Variants in UNC5A observed in about 807,000 individuals in gnomAD.
UNC5A encodes the protein netrin receptor UNC5A.
Under a neutral mutation model 87.4 loss-of-function variants are expected in UNC5A, and 20 were observed. The observed-to-expected ratio is 0.23, with a 90% CI of 0.16 to 0.33. The LOEUF is 0.33. UNC5A is among the 10% of genes least tolerant of loss of function. UNC5A has a pLI of 1.00. For missense variants in UNC5A, 844 were observed against 1,133.4 expected, an observed-to-expected ratio of 0.74 and a Z score of 3.67; for synonymous variants, 438 against 482.3, an observed-to-expected ratio of 0.91 and a Z score of 1.20.
At chr5:176,812,870 A>G (rs1258522280) in intron 1 of UNC5A, among the ~76,000 whole-genome samples, 1 of 152,138 alleles carries the variant, frequency 6.6e-6, no homozygotes, top group Non-Finnish European at 1.5e-5. Context: ...CACTGGGCAC[A>G]TGTGGACGCC....
In UNC5A at chr5:176,834,752, C is replaced by T. The variant is rs556573075; in HGVS notation, c.70+23932C>T. Among the ~76,000 whole-genome samples, 4 of 151,944 alleles carry T rather than the reference C, an allele frequency of 2.6e-5. No homozygotes were observed. In the South Asian group the frequency reaches 6.3e-4, roughly 24 times the overall value. On this transcript the variant is annotated intron_variant, in intron 1 of 14. Coordinates refer to ENST00000329542, the MANE Select transcript of UNC5A (RefSeq NM_133369.3). ...CCTCTCCCTCTCCCTCTCCCTCTCT[C>T]TCTCCCTTTCCCTGGGTCGCTGCAG...
Position 176,878,013 on chromosome 5 carries a change from C to T in UNC5A, c.1755C>T (p.Leu585=). ...LGRFALVGEA[L]SVAAAKRLKL... is the part of the protein sequence containing the mutation. ...GCTTTGCCCTGGTGGGAGAGGCCCT[C>T]AGCGTGGCTGCCGCCAAGCGCCTCA... The change falls in exon 11 of 15, where the codon CTC becomes CTT. Residue 585 remains leucine, a synonymous_variant. Coordinates refer to ENST00000329542, the MANE Select transcript of UNC5A (RefSeq NM_133369.3). 6.2e-7 allele frequency: 1 copy of T among 1,607,570 alleles called. No homozygotes were observed. The highest frequency in any genetic ancestry group is 8.5e-7 in the Non-Finnish European group (1 of 1,179,954).
rs754080042 is a variant in UNC5A, at chr5:176,868,190, G to A, written c.353G>A (p.Gly118Glu). 1 of 1,613,672 alleles carries A rather than the reference G, an allele frequency of 6.2e-7. No individual in the cohort carries two copies. The highest frequency in any genetic ancestry group is 2.2e-5 in the East Asian group (1 of 44,852). Reference protein sequence around the residue: ...VSRQQVEKVFGLEEYWCQCVA... With the variant: ...VSRQQVEKVFELEEYWCQCVA... ...AGGCAGCAGGTCGAGAAGGTGTTCG[G>A]GCTGGAGGAATACTGGTGCCAGTGC... Residue 118 changes from glycine to glutamate, a missense_variant, in exon 3 of 15, where the codon GGG becomes GAG. Around this residue, in one of 3 missense-constraint regions of UNC5A, gnomAD observed 314 missense variants for 466.5 expected, o/e 0.67. Coordinates refer to ENST00000329542, the MANE Select transcript of UNC5A (RefSeq NM_133369.3).
rs2113611869 is a variant in UNC5A at position 176,834,512 on chromosome 5, A to C, written c.70+23692A>C. On this transcript the variant is annotated intron_variant, in intron 1 of 14. Coordinates refer to ENST00000329542, the MANE Select transcript of UNC5A (RefSeq NM_133369.3). The stretch of plus-strand genomic sequence containing the variant: ...GGAAGAAAAATGCCAGGAAAGGACG[A>C]AAAAGAGAATAAGAGGGATCTGGTT... Among the ~76,000 whole-genome samples, 4 of 152,350 alleles carry C rather than the reference A, an allele frequency of 2.6e-5. No homozygotes were observed. In the South Asian group the frequency reaches 8.3e-4, roughly 32 times the overall value.
chr5:176,813,711 G>T (rs910290995), intron 1 of UNC5A, among the ~76,000 whole-genome samples: 2 of 152,194 alleles, frequency 1.3e-5, no homozygotes, highest in Non-Finnish European at 2.9e-5. Context: ...TCAGCCAAGG[G>T]CCAGAGAGCC....
At chr5:176,839,210 A>G (rs1024858366) in intron 1 of UNC5A, among the ~76,000 whole-genome samples, 1 of 152,150 alleles carries the variant, frequency 6.6e-6, no homozygotes, top group East Asian at 1.9e-4. Flanking sequence ...CTGACCCCTC[A>G]CAGCACCTAG....
intron 14 of UNC5A, 66 bp from the exon 15 acceptor site, chr5:176,879,655 C>T (rs1028513688): frequency 6.3e-7 from 1 of 1,587,416 alleles, no homozygotes; most frequent in African/African-American, 1.3e-5. Context: ...TGGGGTGGGC[C>T]AGGGGGGGCA....
In UNC5A at chr5:176,855,472, C is replaced by T. The variant is rs768328965; in HGVS notation, c.71-7152C>T. Among the ~76,000 whole-genome samples the T allele has an allele frequency of 6.6e-4, 101 of 152,190 alleles. 1 individual carries two copies. Among genetic ancestry groups the T allele is most frequent in the Non-Finnish European group, 8.4e-4 (57 of 68,034 alleles). ...ACAGATAGGGTCAGCCCCTGGACCA[C>T]GTGGCCTGCATGGTGGGAGGAGTTG... On this transcript the variant is annotated intron_variant, in intron 1 of 14. Transcript: ENST00000329542.
chr5:176,812,449 G>A (rs1756483190), intron 1 of UNC5A, among the ~76,000 whole-genome samples: 1 of 152,230 alleles, frequency 6.6e-6, no homozygotes, highest in South Asian at 2.1e-4. Flanking sequence ...TTGGCATGGT[G>A]TGTGCAGCAT....
chr5:176,830,650 T>TTG (rs574164105), intron 1 of UNC5A, among the ~76,000 whole-genome samples: 1,177 of 56,236 alleles, frequency 0.021, 27 homozygotes, highest in African/African-American at 0.084. Flanking sequence ...GCGTGTGCAT[T>TTG]TGTGTGTGTG....
Position 176,857,500 on chromosome 5 carries a change from GCACA to G in UNC5A, c.71-5113_71-5110del, listed in dbSNP as rs144381794. ...TGGCCCCCAGCCTCCCTACACACAC[GCACA>G]CACACACACATGCATGCCACACACA... On this transcript the variant is annotated intron_variant, in intron 1 of 14. Transcript: ENST00000329542. Among the ~76,000 whole-genome samples the G allele has an allele frequency of 2.8e-3, 418 of 151,288 alleles. 1 individual carries two copies. Among genetic ancestry groups the G allele is most frequent in the Non-Finnish European group, 4.7e-3 (318 of 67,726 alleles).
chr5:176,847,213 G>A (rs1757430772), intron 1 of UNC5A, among the ~76,000 whole-genome samples: 1 of 152,228 alleles, frequency 6.6e-6, no homozygotes, highest in Non-Finnish European at 1.5e-5. Flanking sequence ...CTGATGAAAG[G>A]ATGCTTGGAT....
chr5:176,850,932 C>T (rs55892584), intron 1 of UNC5A, among the ~76,000 whole-genome samples: 5,608 of 151,760 alleles, frequency 0.037, 343 homozygotes, highest in African/African-American at 0.13. Flanking sequence ...CCAGGACTTC[C>T]CAGTGCTCCC....
Position 176,869,581 on chromosome 5 carries a change from C to A in UNC5A, c.721+617C>A. ...GCCAGTGTATCTGAGGACGCCCCCG[C>A]TCCCTGACCCCAGTCCTTCTCTGTC... On this transcript the variant is annotated intron_variant, in intron 5 of 14. Coordinates refer to ENST00000329542, the MANE Select transcript of UNC5A (RefSeq NM_133369.3). This position sits in a 1 kb window ranked among gnomAD's most constrained non-coding sequence, Gnocchi z 9.1. The A allele has an allele frequency of 1.5e-6, 1 of 687,598 alleles. No homozygotes were observed. Among genetic ancestry groups the A allele is most frequent in the South Asian group, 1.5e-5 (1 of 66,262 alleles). 42.6% of individuals were successfully genotyped at this position (687,598 alleles called of 1,614,324 possible).
Position 176,868,767 on chromosome 5 carries a change from A to C in UNC5A, c.541-17A>C, listed in dbSNP as rs1758035792. ...CCAGCATGGGCTGGCAGTACATGGCAGGGCTCCCTCCCCTAGGTGGAGTGG... is the reference window on the plus strand; with the variant it reads ...CCAGCATGGGCTGGCAGTACATGGCCGGGCTCCCTCCCCTAGGTGGAGTGG... On this transcript the variant is annotated splice_polypyrimidine_tract_variant and intron_variant, in intron 4 of 14. Coordinates refer to ENST00000329542, the MANE Select transcript of UNC5A (RefSeq NM_133369.3). 6.3e-7 allele frequency: 1 copy of C among 1,590,686 alleles called. No individual in the cohort carries two copies. Among genetic ancestry groups the C allele is most frequent in the South Asian group, 1.1e-5 (1 of 89,758 alleles).
chr5:176,854,561 C>T (rs1283510279), intron 1 of UNC5A, among the ~76,000 whole-genome samples: 2 of 152,180 alleles, frequency 1.3e-5, no homozygotes, highest in African/African-American at 4.8e-5. Context: ...TCCCCAGGGT[C>T]CAGCACTGGC....
Position 176,848,236 on chromosome 5 carries a change from C to A in UNC5A, c.71-14388C>A, listed in dbSNP as rs1757461000. Among the ~76,000 whole-genome samples, 1 of 152,076 alleles carries A rather than the reference C, an allele frequency of 6.6e-6. No homozygotes were observed. Among genetic ancestry groups the A allele is most frequent in the Admixed American group, 6.5e-5 (1 of 15,284 alleles). On this transcript the variant is annotated intron_variant, in intron 1 of 14. Transcript: ENST00000329542. This position sits in a 1 kb window ranked among gnomAD's most constrained non-coding sequence, Gnocchi z 5.8. ...AGCCTGGTGTGACATCCTTTAGGGACCCTTGGGGAGGGGGTACCCCAGCTT... is the reference window on the plus strand; with the variant it reads ...AGCCTGGTGTGACATCCTTTAGGGAACCTTGGGGAGGGGGTACCCCAGCTT...
At chr5:176,864,969 A>T (rs1757936025) in intron 2 of UNC5A, 1 of 381,744 alleles carries the variant, frequency 2.6e-6, no homozygotes, top group Non-Finnish European at 5.2e-6. Context: ...GAGGGTCTGC[A>T]GGAGAACCGC....
In UNC5A at chr5:176,879,710, C is replaced by T; in HGVS notation, c.2364-11C>T. 6.2e-7 allele frequency: 1 copy of T among 1,611,320 alleles called. No individual in the cohort carries two copies. The highest frequency in any genetic ancestry group is 8.5e-7 in the Non-Finnish European group (1 of 1,179,082). On this transcript the variant is annotated splice_polypyrimidine_tract_variant and intron_variant, in intron 14 of 14. Coordinates refer to ENST00000329542, the MANE Select transcript of UNC5A (RefSeq NM_133369.3). ...AGGCCAGGCTGCTGACGGCCCCCCT[C>T]CCCTCCACAGCCATCTCAGCTTCTT...
Sources: allele counts gnomAD v4.1 joint callset (sites outside exome capture counted in the v4.1 genomes callset), GRCh38; gene constraint gnomAD v4.1.1; regional missense constraint gnomAD v4.1.1; non-coding constraint Gnocchi (gnomAD v3.1); transcripts MANE v1.5; gene names NCBI Gene and HGNC (gene_info 2026-07-23, HGNC 2026-07-21).